Variants in MAD1L1 observed in about 807,000 individuals in gnomAD.
MAD1L1 encodes mitotic spindle assembly checkpoint protein MAD1.
MAD1L1 carries 95 observed loss-of-function variants against 96.9 expected under a neutral mutation model. That is an observed-to-expected ratio of 0.98 (90% CI 0.83 to 1.16). MAD1L1 has a LOEUF of 1.16. MAD1L1 is among the 50% of genes most tolerant of loss of function. The pLI is 0.00. For missense variants in MAD1L1, 1,007 were observed against 954.4 expected (o/e 1.06, Z -0.73); for synonymous variants, 473 against 396.6 (o/e 1.19, Z -2.29).
At chr7:2,132,244 T>A (rs898191187) in intron 11 of MAD1L1, among the ~76,000 whole-genome samples, 1 of 152,226 alleles carries the variant, frequency 6.6e-6, no homozygotes, top group Admixed American at 6.5e-5. Context: ...CCCAGGCAGA[T>A]TCCCCTGCAC....
chr7:1,973,940 G>A (rs1237951811), intron 15 of MAD1L1, among the ~76,000 whole-genome samples: 2 of 152,236 alleles, frequency 1.3e-5, no homozygotes, highest in East Asian at 3.8e-4. Context: ...TGAAGGCTGG[G>A]GCAGGAGACG....
intron 18 of MAD1L1, among the ~76,000 whole-genome samples, chr7:1,835,915 A>G (rs1315027906): frequency 6.6e-6 from 1 of 152,234 alleles, no homozygotes; most frequent in East Asian, 1.9e-4. Flanking sequence ...AATTCCTGAC[A>G]TTGCCATGGC....
rs188658421 is a variant in MAD1L1, at chr7:1,869,684, C to T, written c.1998+28516G>A. Among the ~76,000 whole-genome samples the T allele has an allele frequency of 2.9e-3, 447 of 152,290 alleles. 1 individual carries two copies. Among genetic ancestry groups the T allele is most frequent in the African/African-American group, 0.01 (417 of 41,542 alleles). On this transcript the variant is annotated intron_variant, in intron 18 of 18. Transcript: ENST00000265854. The stretch of plus-strand genomic sequence containing the variant: ...ATTAGCCTGCGTCGGTAATGAGCTA[C>T]GATTGTCAATCAGCACTGTCACACT...
intron 18 of MAD1L1, among the ~76,000 whole-genome samples, chr7:1,873,100 G>A (rs564180630): frequency 2.0e-5 from 3 of 152,246 alleles, no homozygotes; most frequent in African/African-American, 2.4e-5. Flanking sequence ...GTGGAGGAGC[G>A]GGGAGGAGCC....
In MAD1L1 at chr7:2,072,753, T is replaced by C. The variant is rs76709563; in HGVS notation, c.1074-3415A>G. Among the ~76,000 whole-genome samples, 1,463 of 152,332 alleles carry C rather than the reference T, an allele frequency of 9.6e-3. 24 individuals carry two copies. The highest frequency in any genetic ancestry group is 0.033 in the African/African-American group (1,374 of 41,580). ...AGGTGACAGGCACAGCACAGGCATC[T>C]GGCCAGAGAGAAGGGTAAGGGGCTG... On this transcript the variant is annotated intron_variant, in intron 11 of 18. Coordinates refer to ENST00000265854, the MANE Select transcript of MAD1L1 (RefSeq NM_001013836.2).
chr7:1,877,873 G>C (rs930204107), intron 18 of MAD1L1, among the ~76,000 whole-genome samples: 1 of 151,990 alleles, frequency 6.6e-6, no homozygotes, highest in African/African-American at 2.4e-5. Context: ...CCAAAATAGG[G>C]ATTAAAAATA....
At chr7:1,986,533 G>A (rs1034788401) in intron 14 of MAD1L1, among the ~76,000 whole-genome samples, 1 of 151,996 alleles carries the variant, frequency 6.6e-6, no homozygotes, top group Non-Finnish European at 1.5e-5. Flanking sequence ...GCTCCCTCGC[G>A]CCGGCAAGGG....
At chr7:1,923,486 G>GGCAACCCCGCGCTCTTCCGCCCCGGCAC (rs1562527703) in intron 17 of MAD1L1, among the ~76,000 whole-genome samples, 76 of 150,346 alleles carry the variant, frequency 5.1e-4, no homozygotes, top group Non-Finnish European at 9.2e-4. Context: ...CGCCCCGGCA[G>GGCAACCCCGCGCTCTTCCGCCCCGGCAC]CCGGGCAACC....
chr7:2,125,522 C>G (rs569658440), intron 11 of MAD1L1, among the ~76,000 whole-genome samples: 1 of 152,184 alleles, frequency 6.6e-6, no homozygotes, highest in African/African-American at 2.4e-5. Flanking sequence ...TGAATATTTA[C>G]GAGTTCTCAT....
intron 12 of MAD1L1, among the ~76,000 whole-genome samples, chr7:2,052,241 T>C (rs1453182343): frequency 6.6e-6 from 1 of 152,192 alleles, no homozygotes; most frequent in African/African-American, 2.4e-5. Flanking sequence ...AGCCATGGCA[T>C]GACTCCATAT....
chr7:2,006,183 G>C (rs1782022149), intron 13 of MAD1L1, among the ~76,000 whole-genome samples: 1 of 152,300 alleles, frequency 6.6e-6, no homozygotes, highest in Non-Finnish European at 1.5e-5. Context: ...AACACCGAGA[G>C]AACACAGACG....
intron 15 of MAD1L1, among the ~76,000 whole-genome samples, chr7:1,975,081 C>T (rs1424289208): frequency 6.6e-6 from 1 of 152,234 alleles, no homozygotes; most frequent in Non-Finnish European, 1.5e-5. Flanking sequence ...CTGGTGGTCA[C>T]GGGCCTGCTG....
chr7:1,887,006 G>A (rs1425678510), intron 18 of MAD1L1, among the ~76,000 whole-genome samples: 1 of 152,256 alleles, frequency 6.6e-6, no homozygotes, highest in Non-Finnish European at 1.5e-5. Context: ...CAGCGGCAGG[G>A]AGAACAGGAA....
In MAD1L1 at chr7:2,069,295, GCTC is replaced by G. The variant is rs1419383110; in HGVS notation, c.1114_1116del (p.Glu372del). 4.3e-6 allele frequency: 7 copies of G among 1,609,210 alleles called. No individual in the cohort carries two copies. The Admixed American group carries it at 8.4e-5, about 19-fold the overall frequency. On this transcript the variant is annotated inframe_deletion, in exon 12 of 19. Coordinates refer to ENST00000265854, the MANE Select transcript of MAD1L1 (RefSeq NM_001013836.2). ...AACAGCTGGCCGCTGACCTGCCGGA[GCTC>G]CTCCTGCAGCTGCTGCCTGGCCTTC...
At chr7:2,009,034 C>T (rs1290676315) in intron 13 of MAD1L1, among the ~76,000 whole-genome samples, 2 of 152,178 alleles carry the variant, frequency 1.3e-5, no homozygotes, top group South Asian at 2.1e-4. Context: ...GCCCCGGCCC[C>T]GCAACCCTGG....
At chr7:2,056,137 A>G (rs148465206) in intron 12 of MAD1L1, among the ~76,000 whole-genome samples, 51 of 152,366 alleles carry the variant, frequency 3.3e-4, no homozygotes, top group African/African-American at 1.1e-3. Context: ...CACAGGGAAC[A>G]TGATGACTGT....
chr7:1,817,238 G>C (rs1781858641), intron 18 of MAD1L1, among the ~76,000 whole-genome samples: 1 of 152,132 alleles, frequency 6.6e-6, no homozygotes, highest in Non-Finnish European at 1.5e-5. Flanking sequence ...GCTGGCGGGA[G>C]CGTGTGTGGT....
chr7:1,922,237 G>A (rs1304219188), intron 17 of MAD1L1, among the ~76,000 whole-genome samples: 4 of 152,212 alleles, frequency 2.6e-5, no homozygotes, highest in Non-Finnish European at 4.4e-5. Flanking sequence ...TGGCCGCGCC[G>A]CGTCTTTACT....
intron 17 of MAD1L1, among the ~76,000 whole-genome samples, chr7:1,914,027 C>G (rs4719353): frequency 8.0e-4 from 122 of 152,134 alleles, no homozygotes; most frequent in African/African-American, 2.5e-3. Flanking sequence ...GTCTCCCCCC[C>G]CAGCACGCCT....
Sources: gnomAD v4.1 joint callset for allele counts (sites outside exome capture counted in the v4.1 genomes callset) on GRCh38, gnomAD v4.1.1 for gene constraint, MANE v1.5 for transcripts, NCBI Gene and HGNC (gene_info 2026-07-23, HGNC 2026-07-21) for gene names.